LHFPL1: variants seen among roughly 807,000 people sequenced by gnomAD.
The protein encoded by LHFPL1 is LHFPL tetraspan subfamily member 1.
In LHFPL1, 4 loss-of-function variants were observed where a neutral mutation model predicts 12.1. That is an observed-to-expected ratio of 0.33 (90% CI 0.16 to 0.76). The LOEUF is 0.76. Ranked by LOEUF, LHFPL1 falls within the 30% of genes least tolerant of loss-of-function variation. The pLI, the probability that LHFPL1 is intolerant of heterozygous loss-of-function variation, is 0.61. For synonymous variants in LHFPL1, 52 were observed against 61.9 expected (o/e 0.84, Z 0.75); for missense variants, 141 against 174.1 (o/e 0.81, Z 1.07).
chrX:112,677,843 C>T (rs1048461239), intron 1 of LHFPL1, among the ~76,000 whole-genome samples: 1 of 111,244 alleles, frequency 9.0e-6, no homozygotes, highest in African/African-American at 3.3e-5. Flanking sequence ...GAAGATCTCT[C>T]TTTTGACTTG....
intron 2 of LHFPL1, among the ~76,000 whole-genome samples, chrX:112,662,741 T>G (rs1931224689): frequency 8.9e-6 from 1 of 111,794 alleles, no homozygotes; most frequent in African/African-American, 3.3e-5. Flanking sequence ...ATTCATCCAG[T>G]GGCAATACAA....
At chrX:112,670,980 C>T (rs1026478752) in intron 2 of LHFPL1, 29 bp downstream of exon 2, 5 of 1,190,331 alleles carry the variant, frequency 4.2e-6, no homozygotes, top group Non-Finnish European at 5.7e-6. Flanking sequence ...AGCTACCCAA[C>T]CTACCCAATC....
intron 1 of LHFPL1, among the ~76,000 whole-genome samples, chrX:112,673,204 G>A (rs1340693359): frequency 9.0e-6 from 1 of 111,607 alleles, no homozygotes; most frequent in Non-Finnish European, 1.9e-5. Flanking sequence ...TGTATTTTGT[G>A]CTACGTGTTT....
intron 3 of LHFPL1, among the ~76,000 whole-genome samples, chrX:112,644,865 A>G (rs1429207872): frequency 8.9e-6 from 1 of 112,460 alleles, no homozygotes; most frequent in African/African-American, 3.2e-5. Context: ...TGACAGAAAG[A>G]AAAGGTAACA....
intron 3 of LHFPL1, among the ~76,000 whole-genome samples, chrX:112,649,213 T>C (rs1278881646): frequency 1.8e-5 from 2 of 112,362 alleles, no homozygotes; most frequent in Non-Finnish European, 3.8e-5. Flanking sequence ...ATTAGGTATA[T>C]CTCTAAAAGC....
At chrX:112,651,250 A>C (rs1257763310) in intron 3 of LHFPL1, among the ~76,000 whole-genome samples, 1 of 112,093 alleles carries the variant, frequency 8.9e-6, no homozygotes, top group Non-Finnish European at 1.9e-5. Flanking sequence ...CATCCTCATG[A>C]TAAGATGAAG....
intron 1 of LHFPL1, among the ~76,000 whole-genome samples, chrX:112,674,412 C>G (rs1396294869): frequency 1.8e-5 from 2 of 111,257 alleles, no homozygotes; most frequent in African/African-American, 6.5e-5. Context: ...AACCCAAAAG[C>G]AAATGCAATA....
At chrX:112,652,853 A>G (rs1435354258) in intron 3 of LHFPL1, among the ~76,000 whole-genome samples, 7 of 112,072 alleles carry the variant, frequency 6.2e-5, no homozygotes, top group Non-Finnish European at 1.3e-4. Context: ...GTTTTAAGAA[A>G]CCAGTATGGT....
chrX:112,662,332 G>C (rs1403391842), intron 2 of LHFPL1, among the ~76,000 whole-genome samples: 1 of 111,814 alleles, frequency 8.9e-6, no homozygotes. Context: ...AGTGAAAAGC[G>C]GGCTGCTCTA....
intron 3 of LHFPL1, among the ~76,000 whole-genome samples, chrX:112,643,334 G>A (rs1385929561): frequency 2.0e-5 from 2 of 99,447 alleles, no homozygotes; most frequent in Middle Eastern, 5.6e-3. Context: ...AGCCGAGATC[G>A]TGCCACTGCA....
At chrX:112,633,953 C>G (rs1034736641) in intron 3 of LHFPL1, among the ~76,000 whole-genome samples, 4 of 111,429 alleles carry the variant, frequency 3.6e-5, no homozygotes, top group South Asian at 3.8e-4. Context: ...TGCTCCTCCC[C>G]CTGGACACAC....
At chrX:112,642,176 A>G (rs999362464) in intron 3 of LHFPL1, among the ~76,000 whole-genome samples, 1 of 103,710 alleles carries the variant, frequency 9.6e-6, no homozygotes, top group African/African-American at 3.5e-5. Flanking sequence ...TTATTAAAAA[A>G]CCTTCTATAT....
intron 2 of LHFPL1, among the ~76,000 whole-genome samples, chrX:112,670,399 T>C (rs1356643916): frequency 2.7e-5 from 3 of 112,166 alleles, no homozygotes; most frequent in Non-Finnish European, 5.6e-5. Flanking sequence ...AGGGGGAGCC[T>C]GAATGAGGGG....
rs1426099502 is a variant in LHFPL1, at chrX:112,650,216, C to T, written c.481+10411G>A. On this transcript the variant is annotated intron_variant, in intron 3 of 3. Coordinates refer to ENST00000371968, the MANE Select transcript of LHFPL1 (RefSeq NM_178175.4). ...AAAAAAAAATTCCTCCTCATTGCAC[C>T]CTCGGTTTCTCAGAGACTTTGCTTT... Among the ~76,000 whole-genome samples, 32 of 110,806 alleles carry T rather than the reference C, an allele frequency of 2.9e-4. No individual in the cohort carries two copies. In the Admixed American group the frequency reaches 3.0e-3, roughly 10 times the overall value.
intron 1 of LHFPL1, among the ~76,000 whole-genome samples, chrX:112,676,690 C>T (rs1470284930): frequency 8.9e-6 from 1 of 112,020 alleles, no homozygotes; most frequent in East Asian, 2.8e-4. Flanking sequence ...AGGAAACCCA[C>T]CTAAACCATA....
At chrX:112,661,197 G>A (rs1173122704) in intron 2 of LHFPL1, among the ~76,000 whole-genome samples, 2 of 110,937 alleles carry the variant, frequency 1.8e-5, no homozygotes, top group African/African-American at 6.6e-5. Context: ...CGATGAGCAG[G>A]GAACCACACT....
rs1378479547 is a variant in LHFPL1 at position 112,651,910 on chromosome X, T to C, written c.481+8717A>G. Among the ~76,000 whole-genome samples, 10 of 112,734 alleles carry C rather than the reference T, an allele frequency of 8.9e-5. No homozygotes were observed. The Admixed American group carries it at 9.4e-4, about 11-fold the overall frequency. On this transcript the variant is annotated intron_variant, in intron 3 of 3. Coordinates refer to ENST00000371968, the MANE Select transcript of LHFPL1 (RefSeq NM_178175.4). ...TAGGATAAAATACAAAGTCCTTATA[T>C]TCTGACTAATGCCTACGTCTCTGAG...
Position 112,671,304 on chromosome X carries a change from T to C in LHFPL1, c.87A>G (p.Leu29=), listed in dbSNP as rs1482585346. 4.1e-6 allele frequency: 5 copies of C among 1,210,058 alleles called. No homozygotes were observed. Among genetic ancestry groups the C allele is most frequent in the East Asian group, 3.0e-5 (1 of 33,773 alleles). The stretch of plus-strand genomic sequence containing the variant: ...TCTGGGATCCAAAGAGCCAGTAAGG[T>C]AGGAAGTAACTGGTAGAACTGGTCA... The part of the protein sequence containing the change: ...TAVTSSTSYF[L]PYWLFGSQMG... The change falls in exon 2 of 4, where the codon CTA becomes CTG. Residue 29 remains leucine (L), a synonymous_variant. Coordinates refer to ENST00000371968, the MANE Select transcript of LHFPL1 (RefSeq NM_178175.4).
Position 112,648,325 on chromosome X carries a change from G to C in LHFPL1, c.481+12302C>G, listed in dbSNP as rs772838640. Among the ~76,000 whole-genome samples, 325 of 111,309 alleles carry C rather than the reference G, an allele frequency of 2.9e-3. 5 individuals carry two copies. Among genetic ancestry groups the C allele is most frequent in the African/African-American group, 9.9e-3 (302 of 30,631 alleles). On this transcript the variant is annotated intron_variant, in intron 3 of 3. Transcript: ENST00000371968. ...GTATCCCAAAACTTAAAGTATAATT[G>C]TTAAAAAAGAATATCCTTAATAATG...
Sources: allele counts gnomAD v4.1 joint callset (sites outside exome capture counted in the v4.1 genomes callset), GRCh38; gene constraint gnomAD v4.1.1; transcripts MANE v1.5; gene names NCBI Gene and HGNC (gene_info 2026-07-23, HGNC 2026-07-21).